XIST: variants seen among roughly 807,000 people sequenced by gnomAD.
The protein encoded by XIST is X inactive specific transcript (non-protein coding).
In XIST at chrX:73,849,529, G is replaced by A. The variant is rs181784589; in HGVS notation, n.3195C>T. 7.2e-4 allele frequency: 402 copies of A among 556,626 alleles called. No individual in the cohort carries two copies. The African/African-American group carries it at 7.6e-3, about 11-fold the overall frequency. The allele number at this position is 556,626 out of a possible 1,213,427, so 45.9% of individuals were successfully genotyped here. On this transcript the variant is annotated non_coding_transcript_exon_variant, in exon 1 of 6. Transcript: ENST00000429829. ...GTTTCTCCTTTAAGGGCAGGGGATC[G>A]AGAAAATGATAAGTAACTCAAATTG... is the stretch of plus-strand genomic sequence containing the variant.
rs1361966823 is a variant in XIST at position 73,831,135 on chromosome X, C to A, written n.11683G>T. On this transcript the variant is annotated non_coding_transcript_exon_variant, in exon 4 of 6. Transcript: ENST00000429829. ...GGACCAGGAAAGTATCTTGACAGAA[C>A]CTCCTGACCTAGGGTTGTTGCCCAG... The A allele has an allele frequency of 9.0e-6, 5 of 556,209 alleles. No individual in the cohort carries two copies. The South Asian group carries it at 1.1e-4, about 13-fold the overall frequency. 45.8% of individuals were successfully genotyped at this position (556,209 alleles called of 1,213,427 possible). A position where few individuals can be genotyped will look rare whatever the true frequency, so the allele number is the denominator to read the frequency against.
exon 6 of XIST, chrX:73,821,517 C>T (rs1450900190): frequency 1.8e-6 from 1 of 557,969 alleles, no homozygotes; most frequent in South Asian, 2.2e-5. Flanking sequence ...GTAAAGCAAA[C>T]TAGTGAGGAC....
chrX:73,843,906 C>T, exon 1 of XIST: 1 of 557,664 alleles, frequency 1.8e-6, no homozygotes, highest in Non-Finnish European at 3.2e-6. Context: ...CCTTAATCTA[C>T]TGACAAAGAC....
exon 1 of XIST, chrX:73,844,895 A>C (rs758581493): frequency 1.9e-6 from 1 of 526,872 alleles, no homozygotes. Context: ...GTTCTTATGG[A>C]GCTGGCACTC....
chrX:73,840,365 C>T (rs899554391), intron 1 of XIST, among the ~76,000 whole-genome samples: 9 of 111,017 alleles, frequency 8.1e-5, no homozygotes, highest in Non-Finnish European at 1.3e-4. Context: ...TGAATTAAAA[C>T]GGGCTATAAG....
At chrX:73,838,093 G>A (rs1447438354) in intron 1 of XIST, among the ~76,000 whole-genome samples, 1 of 111,303 alleles carries the variant, frequency 9.0e-6, no homozygotes, top group African/African-American at 3.3e-5. Flanking sequence ...TTCAGTCAAG[G>A]GAGATCTATA....
At chrX:73,838,091 A>C (rs1311095457) in intron 1 of XIST, among the ~76,000 whole-genome samples, 1 of 111,684 alleles carries the variant, frequency 9.0e-6, no homozygotes. Context: ...TTTTCAGTCA[A>C]GGGAGATCTA....
exon 6 of XIST, chrX:73,821,058 C>A (rs1922100064): frequency 1.8e-6 from 1 of 556,775 alleles, no homozygotes; most frequent in Non-Finnish European, 3.2e-6. Context: ...TAGTTACTTT[C>A]TTCTTTCCAT....
At position 73,850,146 on chromosome X, in the gene XIST, G is replaced by A. The variant is rs1603362918; in HGVS notation, n.2578C>T. ...CTTCAAACACTCTTTTTTACATTAG[G>A]TCATGAAGTTAAATTTTTTACTGTT... On this transcript the variant is annotated non_coding_transcript_exon_variant, in exon 1 of 6. Coordinates refer to ENST00000429829, the Ensembl canonical transcript of XIST. The A allele has an allele frequency of 9.0e-6, 5 of 556,173 alleles. No homozygotes were observed. In the East Asian group the frequency reaches 1.6e-4, roughly 18 times the overall value. The allele number at this position is 556,173 out of a possible 1,213,427, so 45.8% of individuals were successfully genotyped here.
At chrX:73,824,946 G>A (rs1379038276) in exon 6 of XIST, 1 of 532,201 alleles carries the variant, frequency 1.9e-6, no homozygotes, top group East Asian at 3.4e-5. Context: ...ACCCAAAATA[G>A]CTGGTATGTA....
At chrX:73,842,448 G>T (rs773903261) in exon 1 of XIST, 1 of 549,111 alleles carries the variant, frequency 1.8e-6, no homozygotes, top group Admixed American at 2.3e-5. Context: ...GGCAAGAATG[G>T]TTCTTGTCCC....
In XIST at chrX:73,826,744, C is replaced by T. The variant is rs750604261; in HGVS notation, n.13157G>A. The T allele has an allele frequency of 9.0e-5, 50 of 556,613 alleles. No homozygotes were observed. The East Asian group carries it at 1.5e-3, about 17-fold the overall frequency. The allele number at this position is 556,613 out of a possible 1,213,427, so 45.9% of individuals were successfully genotyped here. A position where few individuals can be genotyped will look rare whatever the true frequency, so the allele number is the denominator to read the frequency against. Reference sequence around the variant, plus strand: ...GCCGTTAGTCTTGAGATACCTTTTTCGCTTGGGTCCTCTATCCATCTAGGT... The same window carrying T: ...GCCGTTAGTCTTGAGATACCTTTTTTGCTTGGGTCCTCTATCCATCTAGGT... On this transcript the variant is annotated non_coding_transcript_exon_variant, in exon 6 of 6. Coordinates refer to ENST00000429829, the Ensembl canonical transcript of XIST.
At chrX:73,827,671 G>A (rs1476974119) in exon 6 of XIST, 1 of 550,139 alleles carries the variant, frequency 1.8e-6, no homozygotes, top group Admixed American at 2.3e-5. Context: ...AGAAAAGAGA[G>A]GTAGGCAGAG....
chrX:73,825,167 G>A (rs1324569820), exon 6 of XIST: 7 of 536,699 alleles, frequency 1.3e-5, no homozygotes, highest in Middle Eastern at 3.1e-4. Flanking sequence ...AGTCCCTTAT[G>A]TTTTCAGTAT....
exon 1 of XIST, chrX:73,849,591 C>T: frequency 1.8e-6 from 1 of 558,466 alleles, no homozygotes; most frequent in Non-Finnish European, 3.2e-6. Context: ...TCTCAATTGA[C>T]ATTCCCTAAC....
exon 6 of XIST, chrX:73,825,564 C>A: frequency 3.9e-6 from 2 of 514,918 alleles, no homozygotes; most frequent in Middle Eastern, 3.1e-4. Context: ...AATAATACAT[C>A]AGGGGGTGGT....
exon 1 of XIST, chrX:73,841,703 T>G: frequency 1.9e-6 from 1 of 517,534 alleles, no homozygotes; most frequent in Non-Finnish European, 3.5e-6. Flanking sequence ...AGGGAACTCG[T>G]CTTATCATTT....
intron 2 of XIST, among the ~76,000 whole-genome samples, chrX:73,834,238 A>G (rs925984812): frequency 4.4e-5 from 5 of 112,485 alleles, no homozygotes; most frequent in Admixed American, 3.8e-4. Flanking sequence ...AAATACACCT[A>G]AAGAAATTTT....
At chrX:73,829,148 A>C (rs915413706) in exon 5 of XIST, 1 of 559,079 alleles carries the variant, frequency 1.8e-6, no homozygotes, top group Admixed American at 2.2e-5. Context: ...CAGTGTGTTC[A>C]AATTTCTTGG....
Sources: gnomAD v4.1 joint callset for allele counts (sites outside exome capture counted in the v4.1 genomes callset) on GRCh38, gnomAD v4.1.1 for gene constraint, MANE v1.5 for transcripts, NCBI Gene and HGNC (gene_info 2026-07-23, HGNC 2026-07-21) for gene names.